Variants in NCAM1 observed in about 807,000 individuals in gnomAD.
NCAM1 encodes antigen recognized by monoclonal antibody 5.1H11.
A neutral mutation model predicts 109.8 loss-of-function variants in NCAM1; 14 were observed. That is an observed-to-expected ratio of 0.13 (90% CI 0.08 to 0.20). The LOEUF (loss-of-function observed/expected upper bound fraction) is 0.20. NCAM1 is among the 10% of genes least tolerant of loss of function. The pLI is 1.00. For synonymous variants in NCAM1, 418 were observed against 442.9 expected (o/e 0.94, Z 0.70); for missense variants, 774 against 1,109.9 (o/e 0.70, Z 4.30).
chr11:113,043,772 T>G (rs569752685), intron 1 of NCAM1, among the ~76,000 whole-genome samples: 1 of 152,262 alleles, frequency 6.6e-6, no homozygotes, highest in Admixed American at 6.5e-5. Flanking sequence ...GCTTTCCAGC[T>G]TGTAGTACAT....
At chr11:112,975,535 T>G (rs564047099) in intron 1 of NCAM1, among the ~76,000 whole-genome samples, 34 of 152,198 alleles carry the variant, frequency 2.2e-4, no homozygotes, top group African/African-American at 7.5e-4. Context: ...GAGTTATTTG[T>G]TATTTTCTCA....
At chr11:113,114,271 T>C (rs1940583753) in intron 1 of NCAM1, among the ~76,000 whole-genome samples, 2 of 152,186 alleles carry the variant, frequency 1.3e-5, no homozygotes, top group South Asian at 4.1e-4. Context: ...TTCAGAGCAT[T>C]GCAGAGGGGA....
chr11:113,010,301 G>C (rs549757815), intron 1 of NCAM1, among the ~76,000 whole-genome samples: 1 of 152,216 alleles, frequency 6.6e-6, no homozygotes, highest in South Asian at 2.1e-4. Flanking sequence ...CTCTATACTT[G>C]AAAGAATTAA....
Position 112,961,604 on chromosome 11 carries a change from C to G in NCAM1, c.-9C>G, listed in dbSNP as rs543798793. On this transcript the variant is annotated 5_prime_UTR_variant, in exon 1 of 20. Transcript: ENST00000316851. ...CGGCAAGAACATCCCTCCCAGCCAG[C>G]AGATTACAATGCTGCAAACTAAGGA... 1 of 1,475,316 alleles carries G rather than the reference C, an allele frequency of 6.8e-7. No individual in the cohort carries two copies. 91.4% of individuals were successfully genotyped at this position (1,475,316 alleles called of 1,614,324 possible).
chr11:112,984,297 G>A (rs781832796), intron 1 of NCAM1, among the ~76,000 whole-genome samples: 4 of 151,760 alleles, frequency 2.6e-5, no homozygotes, highest in African/African-American at 4.8e-5. Flanking sequence ...TTCATCTGTC[G>A]ATGGATAAAG....
intron 5 of NCAM1, among the ~76,000 whole-genome samples, chr11:113,206,894 G>T (rs1165179299): frequency 6.6e-6 from 1 of 152,174 alleles, no homozygotes; most frequent in African/African-American, 2.4e-5. Flanking sequence ...CCAGTACAAA[G>T]AGCTCCTTTT....
intron 1 of NCAM1, among the ~76,000 whole-genome samples, chr11:113,160,543 G>T (rs1942568231): frequency 6.6e-6 from 1 of 152,148 alleles, no homozygotes; most frequent in Admixed American, 6.5e-5. Flanking sequence ...CTTCAATAAA[G>T]AGAAACTCCA....
chr11:113,257,971 A>G (rs1189050074), intron 16 of NCAM1, among the ~76,000 whole-genome samples: 1 of 152,210 alleles, frequency 6.6e-6, no homozygotes, highest in African/African-American at 2.4e-5. Context: ...CAGCATGAGC[A>G]CTGTCACATT....
At chr11:113,247,665 T>C (rs893920023) in intron 15 of NCAM1, among the ~76,000 whole-genome samples, 3 of 152,186 alleles carry the variant, frequency 2.0e-5, no homozygotes, top group African/African-American at 7.2e-5. Flanking sequence ...AAAGGCGATA[T>C]TGGGTATGTA....
intron 7 of NCAM1, among the ~76,000 whole-genome samples, chr11:113,210,344 C>T (rs1291876536): frequency 6.6e-6 from 1 of 152,262 alleles, no homozygotes; most frequent in East Asian, 1.9e-4. Context: ...AAGGAGGAAC[C>T]TGATCACAGA....
chr11:113,104,202 TGG>T (rs1565438460), intron 1 of NCAM1, among the ~76,000 whole-genome samples: 1 of 2,548 alleles, frequency 3.9e-4, no homozygotes, highest in African/African-American at 1.5e-3. Context: ...GAAGAGGAGG[TGG>T]GGTGGGGGGG....
intron 9 of NCAM1, among the ~76,000 whole-genome samples, chr11:113,226,809 A>G (rs533840670): frequency 1.5e-3 from 226 of 152,358 alleles, no homozygotes; most frequent in Non-Finnish European, 2.7e-3. Flanking sequence ...TGGAAACTGA[A>G]CAACCTGCTC....
chr11:113,079,421 C>A (rs1377118172), intron 1 of NCAM1, among the ~76,000 whole-genome samples: 2 of 152,142 alleles, frequency 1.3e-5, no homozygotes, highest in African/African-American at 4.8e-5. Context: ...TCTGTCCCAG[C>A]TTTTATAAGC....
chr11:113,184,100 T>C (rs990729537), intron 1 of NCAM1, among the ~76,000 whole-genome samples: 21 of 152,166 alleles, frequency 1.4e-4, no homozygotes, highest in Admixed American at 1.2e-3. Flanking sequence ...GCTTTTTCTT[T>C]AAAGTGAAGC....
chr11:113,119,790 C>A (rs917017183), intron 1 of NCAM1, among the ~76,000 whole-genome samples: 1 of 152,032 alleles, frequency 6.6e-6, no homozygotes, highest in Non-Finnish European at 1.5e-5. Context: ...TGAAATTTTC[C>A]TATAAAATAC....
intron 14 of NCAM1, chr11:113,243,050 G>T (rs782804528): frequency 6.6e-6 from 6 of 910,174 alleles, no homozygotes; most frequent in Non-Finnish European, 7.9e-6. Context: ...AAAAGAACGG[G>T]GTTGATTATT....
intron 1 of NCAM1, among the ~76,000 whole-genome samples, chr11:113,124,181 T>G (rs1380278268): frequency 6.6e-6 from 1 of 152,192 alleles, no homozygotes; most frequent in African/African-American, 2.4e-5. Flanking sequence ...CCGGAGCTAA[T>G]TCCACCTGCT....
chr11:113,058,748 G>A (rs921263799), intron 1 of NCAM1, among the ~76,000 whole-genome samples: 1 of 152,120 alleles, frequency 6.6e-6, no homozygotes, highest in African/African-American at 2.4e-5. Flanking sequence ...CTCTCATAAT[G>A]ATTCCACCAG....
chr11:113,056,002 TATATATATATATATATATATATAAA>T lies in NCAM1; in HGVS notation c.52+94349_52+94373del, dbSNP rs1255064442. Among the ~76,000 whole-genome samples, 16 of 118,962 alleles carry T rather than the reference TATATATATATATATATATATATAAA, an allele frequency of 1.3e-4. No individual in the cohort carries two copies. The East Asian group carries it at 2.0e-3, about 15-fold the overall frequency. 78.0% of individuals were successfully genotyped at this position (118,962 alleles called of 152,430 possible). On this transcript the variant is annotated intron_variant, in intron 1 of 19. Transcript: ENST00000316851. ...TGATATATATATATATATATATATA[TATATATATATATATATATATATAAA>T]ATATATATATTATATATACACACAC...
Sources: gnomAD v4.1 joint callset for allele counts (sites outside exome capture counted in the v4.1 genomes callset) on GRCh38, gnomAD v4.1.1 for gene constraint, MANE v1.5 for transcripts, NCBI Gene and HGNC (gene_info 2026-07-23, HGNC 2026-07-21) for gene names.